Variants in GLOD5 observed in about 807,000 individuals in gnomAD.
GLOD5 encodes the protein glyoxalase domain containing 5.
In GLOD5, 7 loss-of-function variants were observed where a neutral mutation model predicts 9.9. The ratio of observed to expected loss-of-function variants is 0.71; its 90% confidence interval spans 0.40 to 1.33. GLOD5 has a LOEUF of 1.33. Ranked by LOEUF, GLOD5 falls within the 40% of genes most tolerant of loss-of-function variation. The probability of loss-of-function intolerance (pLI) is 0.01; values close to 1 mark genes in which losing one functional copy is unlikely to be tolerated. For missense variants in GLOD5, 146 were observed against 128.4 expected (o/e 1.14, Z -0.66); for synonymous variants, 49 against 47.3 (o/e 1.04, Z -0.14).
At chrX:48,766,277 G>A in intron 2 of GLOD5, 1 of 198,282 alleles carries the variant, frequency 5.0e-6, no homozygotes, top group Non-Finnish European at 9.2e-6. Context: ...ACATCAAACT[G>A]AAAAAGTAGA....
chrX:48,764,572 G>C, intron 1 of GLOD5, among the ~76,000 whole-genome samples: 1 of 83,856 alleles, frequency 1.2e-5, no homozygotes, highest in Non-Finnish European at 2.3e-5. Flanking sequence ...TTTTTTTTTA[G>C]ATACAGTCTT....
intron 1 of GLOD5, among the ~76,000 whole-genome samples, chrX:48,763,244 C>T (rs1279851188): frequency 8.9e-6 from 1 of 111,935 alleles, no homozygotes; most frequent in Admixed American, 9.5e-5. Context: ...ACAATAAAGC[C>T]AACAATGTTA....
At position 48,773,605 on chromosome X, in the gene GLOD5, A is replaced by G; in HGVS notation, c.*170A>G. 6.3e-6 allele frequency: 3 copies of G among 477,393 alleles called. No homozygotes were observed. Among genetic ancestry groups the G allele is most frequent in the East Asian group, 3.7e-5 (1 of 27,149 alleles). The allele number at this position is 477,393 out of a possible 1,213,427, so 39.3% of individuals were successfully genotyped here. ...TTTGGGACCAAACCTACATGTCTGTATGTCATCAAAGTTGGCCTAATAAAT... is the reference window on the plus strand; with the variant it reads ...TTTGGGACCAAACCTACATGTCTGTGTGTCATCAAAGTTGGCCTAATAAAT... On this transcript the variant is annotated 3_prime_UTR_variant, in exon 4 of 4. Coordinates refer to ENST00000303227, the MANE Select transcript of GLOD5 (RefSeq NM_001080489.3).
intron 1 of GLOD5, 128 bp from the exon 2 acceptor site, chrX:48,765,707 C>G: frequency 1.4e-6 from 1 of 737,665 alleles, no homozygotes; most frequent in Non-Finnish European, 2.1e-6. Flanking sequence ...TTCTCTCAGG[C>G]CTTTCCCCTT....
chrX:48,771,154 G>T, intron 3 of GLOD5, 72 bp downstream of exon 3: 5 of 878,526 alleles, frequency 5.7e-6, no homozygotes, highest in Non-Finnish European at 7.8e-6. Context: ...GACCCAGAGA[G>T]GTAACAAGTT....
At chrX:48,763,482 C>T (rs782694680) in intron 1 of GLOD5, among the ~76,000 whole-genome samples, 6 of 110,100 alleles carry the variant, frequency 5.4e-5, no homozygotes, top group Non-Finnish European at 1.1e-4. Context: ...GAATTCAAGA[C>T]CAGCCTGGGA....
At chrX:48,767,623 T>A (rs989722757) in intron 2 of GLOD5, among the ~76,000 whole-genome samples, 1 of 111,351 alleles carries the variant, frequency 9.0e-6, no homozygotes, top group Non-Finnish European at 1.9e-5. Context: ...GGCAGGAGAA[T>A]CACATGAACC....
intron 1 of GLOD5, among the ~76,000 whole-genome samples, chrX:48,763,181 G>A (rs2062600571): frequency 8.9e-6 from 1 of 111,927 alleles, no homozygotes; most frequent in African/African-American, 3.2e-5. Context: ...ACCTAAGAAA[G>A]TAGAAGGAAG....
intron 3 of GLOD5, among the ~76,000 whole-genome samples, chrX:48,771,380 A>T (rs1446601012): frequency 9.7e-6 from 1 of 103,443 alleles, no homozygotes; most frequent in Non-Finnish European, 2.0e-5. Context: ...TAGTGGCTTG[A>T]TCTCGGCTCA....
At chrX:48,765,337 C>T (rs782474560) in intron 1 of GLOD5, among the ~76,000 whole-genome samples, 2 of 109,876 alleles carry the variant, frequency 1.8e-5, no homozygotes, top group East Asian at 2.8e-4. Context: ...TCTGGGAGGC[C>T]GAGGTAGGCA....
chrX:48,770,610 C>T (rs1242137359), intron 2 of GLOD5, among the ~76,000 whole-genome samples: 4 of 111,354 alleles, frequency 3.6e-5, no homozygotes, highest in Non-Finnish European at 7.5e-5. Flanking sequence ...GTTGGGTACA[C>T]GGTTGACCCC....
chrX:48,763,792 C>A (rs1215222039), intron 1 of GLOD5, among the ~76,000 whole-genome samples: 1 of 112,301 alleles, frequency 8.9e-6, no homozygotes, highest in African/African-American at 3.2e-5. Context: ...TTCTGCAGTT[C>A]CTATGTCCAT....
intron 2 of GLOD5, among the ~76,000 whole-genome samples, chrX:48,769,274 C>T (rs1176538813): frequency 9.6e-6 from 1 of 104,621 alleles, no homozygotes; most frequent in Non-Finnish European, 2.0e-5. Flanking sequence ...GAGGATGAGG[C>T]AGGAGGATCG....
At chrX:48,769,029 C>CA (rs58245912) in intron 2 of GLOD5, among the ~76,000 whole-genome samples, 342 of 48,284 alleles carry the variant, frequency 7.1e-3, no homozygotes, top group Middle Eastern at 0.027. Context: ...GACTCTGTCT[C>CA]AAAAAAAAAA....
chrX:48,773,367 A>G lies in GLOD5; in HGVS notation c.415A>G (p.Ile139Val), dbSNP rs782120972. Reference sequence around the variant, plus strand: ...CCCCAGAACAGGGGCAAAAGGGCCTATCATGTCCATCTACTTCCGAGACCC... The same window carrying G: ...CCCCAGAACAGGGGCAAAAGGGCCTGTCATGTCCATCTACTTCCGAGACCC... ...PVPRTGAKGP[I>V]MSIYFRDPDR... The change falls in exon 4 of 4, where the codon ATC becomes GTC. Residue 139 changes from isoleucine (I) to valine (V), a missense_variant. Physicochemically the swap from Ile to Val is conservative, Grantham distance 29 (BLOSUM62 3). Coordinates refer to ENST00000303227, the MANE Select transcript of GLOD5 (RefSeq NM_001080489.3). 56 of 1,206,970 alleles carry G rather than the reference A, an allele frequency of 4.6e-5. No individual in the cohort carries two copies. Among genetic ancestry groups the G allele is most frequent in the Non-Finnish European group, 5.4e-5 (48 of 892,863 alleles).
rs782156554 is a variant in GLOD5, at chrX:48,765,201, A to T, written c.64-634A>T. On this transcript the variant is annotated intron_variant, in intron 1 of 3. Coordinates refer to ENST00000303227, the MANE Select transcript of GLOD5 (RefSeq NM_001080489.3). ...TTGTCACTTCTTGGAAAAGAGATGAATTCTATTTAGGGAAAAACAGGGGAG... is the reference window on the plus strand; with the variant it reads ...TTGTCACTTCTTGGAAAAGAGATGATTTCTATTTAGGGAAAAACAGGGGAG... 3.6e-5 allele frequency among the ~76,000 whole-genome samples: 4 copies of T among 110,563 alleles called. No individual in the cohort carries two copies. The South Asian group carries it at 1.5e-3, about 43-fold the overall frequency.
chrX:48,762,848 C>G lies in GLOD5; in HGVS notation c.63+995C>G, dbSNP rs1242358339. On this transcript the variant is annotated intron_variant, in intron 1 of 3. Transcript: ENST00000303227. Reference sequence around the variant, plus strand: ...GCCTTGCCCTCCCACTTATCTCTCACTCACTCTTGGGTTCTGAGCTACGCT... The same window carrying G: ...GCCTTGCCCTCCCACTTATCTCTCAGTCACTCTTGGGTTCTGAGCTACGCT... Among the ~76,000 whole-genome samples the G allele has an allele frequency of 2.7e-5, 3 of 111,696 alleles. No individual in the cohort carries two copies. The Admixed American group carries it at 2.9e-4, about 11-fold the overall frequency.
intron 2 of GLOD5, among the ~76,000 whole-genome samples, chrX:48,769,973 C>CA (rs55716581): frequency 9.8e-3 from 414 of 42,390 alleles, no homozygotes; most frequent in Middle Eastern, 0.019. Flanking sequence ...GACTCTGTCT[C>CA]AAAAAAAAAA....
At chrX:48,769,431 G>A (rs1190083082) in intron 2 of GLOD5, among the ~76,000 whole-genome samples, 1 of 110,064 alleles carries the variant, frequency 9.1e-6, no homozygotes, top group Admixed American at 9.8e-5. Flanking sequence ...TGAGACAGGA[G>A]GATTGTTTGA....
Sources: gnomAD v4.1 joint callset for allele counts (sites outside exome capture counted in the v4.1 genomes callset) on GRCh38, gnomAD v4.1.1 for gene constraint, MANE v1.5 for transcripts, NCBI Gene and HGNC (gene_info 2026-07-23, HGNC 2026-07-21) for gene names.